EEPD1: variants seen among roughly 807,000 people sequenced by gnomAD.
EEPD1 encodes endonuclease/exonuclease/phosphatase family domain-containing protein 1.
EEPD1 carries 17 observed loss-of-function variants against 46.3 expected under a neutral mutation model. That is an observed-to-expected ratio of 0.37 (90% confidence interval 0.25 to 0.55). The LOEUF is 0.55. EEPD1 is among the 20% of genes least tolerant of loss of function. EEPD1 has a pLI of 0.83. For synonymous variants in EEPD1, 313 were observed against 315.6 expected (o/e 0.99, Z 0.09); for missense variants, 673 against 745.6 (o/e 0.90, Z 1.13).
intron 3 of EEPD1, among the ~76,000 whole-genome samples, chr7:36,252,829 CTTTTTTTTTTTTTTTT>C (rs71553053): frequency 7.3e-5 from 4 of 54,850 alleles, no homozygotes; most frequent in Admixed American, 2.7e-4. Flanking sequence ...GTGTTCTCTC[CTTTTTTTTTTTTTTTT>C]TTTTTTTTTT....
intron 3 of EEPD1, among the ~76,000 whole-genome samples, chr7:36,241,110 C>T (rs1335139810): frequency 6.6e-6 from 1 of 152,064 alleles, no homozygotes; most frequent in East Asian, 1.9e-4. Flanking sequence ...TGAAACTTTT[C>T]TAGTATCCCC....
chr7:36,211,190 G>A (rs140576892), intron 2 of EEPD1, among the ~76,000 whole-genome samples: 37 of 152,284 alleles, frequency 2.4e-4, no homozygotes, highest in African/African-American at 8.7e-4. Context: ...GGTGCCCTTC[G>A]GTGCCCAGAA....
At chr7:36,263,262 G>A (rs1438986315) in intron 3 of EEPD1, among the ~76,000 whole-genome samples, 1 of 152,162 alleles carries the variant, frequency 6.6e-6, no homozygotes, top group African/African-American at 2.4e-5. Flanking sequence ...AGCCCAGAAG[G>A]TTGAGGCTGC....
chr7:36,199,318 G>A (rs1227882948), intron 2 of EEPD1, among the ~76,000 whole-genome samples: 1 of 152,106 alleles, frequency 6.6e-6, no homozygotes, highest in Non-Finnish European at 1.5e-5. Context: ...AGAATTTTTT[G>A]GGAAGAGAGA....
intron 2 of EEPD1, among the ~76,000 whole-genome samples, chr7:36,236,018 G>A (rs1365073819): frequency 1.3e-5 from 2 of 150,500 alleles, no homozygotes; most frequent in South Asian, 4.2e-4. Flanking sequence ...TCGACCTCCC[G>A]GGCTCAAGAA....
chr7:36,178,998 T>TGG (rs1369911776), intron 2 of EEPD1, among the ~76,000 whole-genome samples: 6 of 152,248 alleles, frequency 3.9e-5, no homozygotes, highest in African/African-American at 1.4e-4. Flanking sequence ...CCTTGGCATT[T>TGG]GGCGGGATGG....
At chr7:36,240,409 C>T (rs1786537491) in intron 3 of EEPD1, among the ~76,000 whole-genome samples, 1 of 152,190 alleles carries the variant, frequency 6.6e-6, no homozygotes. Flanking sequence ...TCCCCTCAAC[C>T]TCATTTCTAT....
chr7:36,202,149 T>C (rs958561791), intron 2 of EEPD1, among the ~76,000 whole-genome samples: 2 of 152,198 alleles, frequency 1.3e-5, no homozygotes, highest in African/African-American at 4.8e-5. Context: ...GCTTGCCTTC[T>C]CATCGTGTGC....
rs551393319 is a variant in EEPD1, at chr7:36,237,201, C to T, written c.879-1784C>T. ...CGAACCCACCATAAGGAAGAAACTC[C>T]GAACACGTCCAAACATCCGAAGGAA... is the stretch of plus-strand genomic sequence containing the variant. On this transcript the variant is annotated intron_variant, in intron 2 of 7. Coordinates refer to ENST00000242108, the MANE Select transcript of EEPD1 (RefSeq NM_030636.3). Among the ~76,000 whole-genome samples, 99 of 152,298 alleles carry T rather than the reference C, an allele frequency of 6.5e-4. 2 individuals are homozygous for T. In the South Asian group the frequency reaches 0.02, roughly 31 times the overall value.
intron 3 of EEPD1, among the ~76,000 whole-genome samples, chr7:36,276,453 T>C (rs1018984540): frequency 2.0e-5 from 3 of 152,182 alleles, no homozygotes; most frequent in Non-Finnish European, 4.4e-5. Context: ...GAGTCATTCA[T>C]TCAACAAATG....
At chr7:36,286,141 C>T (rs185946297) in intron 5 of EEPD1, among the ~76,000 whole-genome samples, 66 of 152,280 alleles carry the variant, frequency 4.3e-4, no homozygotes, top group Middle Eastern at 3.4e-3. Flanking sequence ...ATTACCACAA[C>T]GCAGGCTGTT....
chr7:36,287,750 G>A lies in EEPD1; in HGVS notation c.1288G>A (p.Ala430Thr). 1.2e-6 allele frequency: 2 copies of A among 1,614,122 alleles called. No individual in the cohort carries two copies. Among genetic ancestry groups the A allele is most frequent in the Non-Finnish European group, 1.7e-6 (2 of 1,179,972 alleles). The change falls in exon 6 of 8, where the codon GCA (alanine) becomes ACA (threonine). Residue 430 changes from alanine (A) to threonine (T), a missense_variant. Transcript: ENST00000242108. ...TGATGGCCACCGGTTGGCGAGCTTT[G>A]CACAGACCCTACAGGAAACCCTGAA... ...HSDGHRLASFAQTLQETLKGE... is the reference protein window; with the variant it reads ...HSDGHRLASFTQTLQETLKGE...
At chr7:36,181,780 T>C (rs1785271975) in intron 2 of EEPD1, among the ~76,000 whole-genome samples, 1 of 152,194 alleles carries the variant, frequency 6.6e-6, no homozygotes. Flanking sequence ...CATGGAAAAT[T>C]ACAAGCACAT....
intron 3 of EEPD1, among the ~76,000 whole-genome samples, chr7:36,272,509 T>G (rs73105462): frequency 0.098 from 5,877 of 60,272 alleles, 161 homozygotes; most frequent in Non-Finnish European, 0.17. Flanking sequence ...TGTTGTTGTT[T>G]TTTTTTTTTT....
chr7:36,186,826 A>G (rs1180984082), intron 2 of EEPD1, among the ~76,000 whole-genome samples: 1 of 152,254 alleles, frequency 6.6e-6, no homozygotes, highest in Non-Finnish European at 1.5e-5. Flanking sequence ...GCAGTCTTAC[A>G]AACTATTATT....
intron 2 of EEPD1, among the ~76,000 whole-genome samples, chr7:36,203,440 G>A (rs1055437152): frequency 2.0e-5 from 3 of 152,190 alleles, no homozygotes; most frequent in Admixed American, 6.5e-5. Context: ...ACACCTGCCC[G>A]GTTTAGTTTA....
At chr7:36,204,731 T>C (rs1323307365) in intron 2 of EEPD1, among the ~76,000 whole-genome samples, 2 of 152,222 alleles carry the variant, frequency 1.3e-5, no homozygotes, top group Admixed American at 1.3e-4. Flanking sequence ...TGGGTGCACC[T>C]CTTCCCCCTC....
chr7:36,228,243 TACAGACTGGGCATGGTGGCTA>T (rs1272650453), intron 2 of EEPD1, among the ~76,000 whole-genome samples: 67 of 152,208 alleles, frequency 4.4e-4, no homozygotes, highest in South Asian at 1.5e-3. Context: ...ATAAAACAAA[TACAGACTGGGCATGGTGGCTA>T]CCCGCCCTAA....
chr7:36,248,736 T>C (rs191218992), intron 3 of EEPD1, among the ~76,000 whole-genome samples: 1 of 152,124 alleles, frequency 6.6e-6, no homozygotes, highest in Non-Finnish European at 1.5e-5. Flanking sequence ...AGTAAACTCA[T>C]TGTAATCACT....
Sources: allele counts gnomAD v4.1 joint callset (sites outside exome capture counted in the v4.1 genomes callset), GRCh38; gene constraint gnomAD v4.1.1; transcripts MANE v1.5; gene names NCBI Gene and HGNC (gene_info 2026-07-23, HGNC 2026-07-21).